The following LRRC53 variants were observed in gnomAD, a reference collection of about 807,000 sequenced individuals.
LRRC53 encodes leucine rich repeat containing 53, also known as leucine-rich repeat-containing protein 53.
In LRRC53, 25 loss-of-function variants were observed where a neutral mutation model predicts 13.6. The ratio of observed to expected loss-of-function variants is 1.83; its 90% CI spans 1.34 to 2.56. The LOEUF (loss-of-function observed/expected upper bound fraction) is 2.56. Among genes scored for constraint, LRRC53 ranks in the 30% most tolerant of loss-of-function variants. LRRC53 has a pLI of 0.00. For synonymous variants in LRRC53, 204 were observed against 109.8 expected, an observed-to-expected ratio of 1.86 and a Z score of -5.37; for missense variants, 527 against 275.8, an observed-to-expected ratio of 1.91 and a Z score of -6.45.
At chr1:74,535,131 C>T in the LRRC53 span, among the ~76,000 whole-genome samples, 2 of 152,118 alleles carry the variant, frequency 1.3e-5, no homozygotes, top group Non-Finnish European at 2.9e-5. Context: ...TTCACTCTGC[C>T]TTTCCAACAT....
chr1:74,504,639 A>T (rs1669798249), intron 1 of LRRC53, among the ~76,000 whole-genome samples: 1 of 149,576 alleles, frequency 6.7e-6, no homozygotes, highest in South Asian at 2.1e-4. Context: ...TGACACCTTT[A>T]AAAAAAATTT....
chr1:74,515,526 G>C, upstream of LRRC53, among the ~76,000 whole-genome samples: 1 of 152,172 alleles, frequency 6.6e-6, no homozygotes, highest in Non-Finnish European at 1.5e-5. Context: ...GATGGTTGCT[G>C]TTGGCAACCA....
intron 1 of LRRC53, among the ~76,000 whole-genome samples, chr1:74,490,652 G>A (rs1557602610): frequency 6.6e-6 from 1 of 152,178 alleles, no homozygotes; most frequent in Non-Finnish European, 1.5e-5. Flanking sequence ...AAAGAGGCTT[G>A]ACTTGCGCAG....
chr1:74,521,970 T>C, the LRRC53 span, among the ~76,000 whole-genome samples: 2 of 152,162 alleles, frequency 1.3e-5, no homozygotes, highest in African/African-American at 4.8e-5. Flanking sequence ...TCTAAACAGG[T>C]AACTGAGATC....
chr1:74,492,079 T>C (rs1255182041), intron 1 of LRRC53: 3 of 1,492,590 alleles, frequency 2.0e-6, no homozygotes, highest in Non-Finnish European at 2.7e-6. Context: ...CAATTGAAAT[T>C]GCCCCTCCTC....
At chr1:74,518,874 C>CT in the LRRC53 span, among the ~76,000 whole-genome samples, 4 of 29,054 alleles carry the variant, frequency 1.4e-4, no homozygotes, top group African/African-American at 3.3e-4. Context: ...TTTTTTTCCC[C>CT]TTTTTTTTTT....
the LRRC53 span, among the ~76,000 whole-genome samples, chr1:74,521,598 C>T: frequency 6.6e-6 from 1 of 152,094 alleles, no homozygotes; most frequent in South Asian, 2.1e-4. Flanking sequence ...TTTCTGCGTT[C>T]CTTTATTTAG....
chr1:74,524,156 ATTC>A, the LRRC53 span, among the ~76,000 whole-genome samples: 26 of 152,368 alleles, frequency 1.7e-4, no homozygotes, highest in Admixed American at 1.5e-3. Context: ...GCTCCAGTGA[ATTC>A]TTCTTTGTGA....
chr1:74,514,962 G>A (rs1039635310), upstream of LRRC53, among the ~76,000 whole-genome samples: 10 of 152,036 alleles, frequency 6.6e-5, no homozygotes, highest in Non-Finnish European at 8.8e-5. Flanking sequence ...ACAAAGACAC[G>A]CAGAAGAATG....
chr1:74,511,292 A>T (rs1193495184), intron 1 of LRRC53, among the ~76,000 whole-genome samples: 2 of 151,836 alleles, frequency 1.3e-5, no homozygotes, highest in Non-Finnish European at 2.9e-5. Context: ...TCCCGGGTTC[A>T]AGCAATTCTC....
chr1:74,522,766 TGG>T, the LRRC53 span, among the ~76,000 whole-genome samples: 1 of 152,198 alleles, frequency 6.6e-6, no homozygotes, highest in African/African-American at 2.4e-5. Context: ...GGATTAAAAC[TGG>T]TGTATTTCTT....
chr1:74,533,848 T>C, the LRRC53 span, among the ~76,000 whole-genome samples: 1 of 152,106 alleles, frequency 6.6e-6, no homozygotes, highest in Non-Finnish European at 1.5e-5. Context: ...CACTCATAGG[T>C]GGGAATTGAA....
intron 4 of LRRC53, among the ~76,000 whole-genome samples, chr1:74,474,773 T>A (rs1401688938): frequency 6.6e-6 from 1 of 152,080 alleles, no homozygotes; most frequent in Non-Finnish European, 1.5e-5. Context: ...AGTCCTGACT[T>A]TCCCTGGACT....
chr1:74,480,391 G>C lies in LRRC53; in HGVS notation c.666C>G (p.Leu222=), dbSNP rs1447110395. The C allele has an allele frequency of 4.2e-6, 3 of 717,468 alleles. No individual in the cohort carries two copies. The South Asian group carries it at 4.4e-5, about 11-fold the overall frequency. 44.4% of individuals were successfully genotyped at this position (717,468 alleles called of 1,614,324 possible). ...TTCTTAAAAACCGAGCAAGGGGATGGAGATCACAAGTGCAGCTCCACTGGT... is the reference window on the plus strand; with the variant it reads ...TTCTTAAAAACCGAGCAAGGGGATGCAGATCACAAGTGCAGCTCCACTGGT... ...DKNQWSCTCD[L]HPLARFLRNY... Residue 222 remains leucine (L), a synonymous_variant, in exon 3 of 5, where the codon CTC becomes CTG. Transcript: ENST00000294635.
rs571497996 is a variant in LRRC53 at position 74,483,766 on chromosome 1, G to A, written c.-26-391C>T. Among the ~76,000 whole-genome samples, 29 of 152,204 alleles carry A rather than the reference G, an allele frequency of 1.9e-4. No homozygotes were observed. In the South Asian group the frequency reaches 4.4e-3, roughly 23 times the overall value. On this transcript the variant is annotated intron_variant, in intron 1 of 4. Coordinates refer to ENST00000294635, the MANE Select transcript of LRRC53 (RefSeq NM_001382280.1). ...AGCAAACCATCCTAAATCACATAGC[G>A]GGTAGGTATTTAACCAAGTCTTTTA...
intron 1 of LRRC53, 103 bp downstream of exon 1, chr1:74,512,423 A>AT (rs1477374009): frequency 6.6e-6 from 1 of 152,204 alleles, no homozygotes; most frequent in Non-Finnish European, 1.5e-5. Flanking sequence ...CCACATGATC[A>AT]TCTGTTTATA....
At chr1:74,530,776 A>G in the LRRC53 span, among the ~76,000 whole-genome samples, 1 of 149,476 alleles carries the variant, frequency 6.7e-6, no homozygotes, top group Non-Finnish European at 1.5e-5. Flanking sequence ...GATATGAAAG[A>G]TTTTGCTATA....
At chr1:74,520,580 T>C in the LRRC53 span, among the ~76,000 whole-genome samples, 8 of 152,108 alleles carry the variant, frequency 5.3e-5, no homozygotes, top group South Asian at 4.1e-4. Flanking sequence ...TCCAAAATTT[T>C]TGGCAAAACA....
At chr1:74,473,719 C>T (rs1260887548) in intron 4 of LRRC53, among the ~76,000 whole-genome samples, 1 of 151,954 alleles carries the variant, frequency 6.6e-6, no homozygotes, top group East Asian at 1.9e-4. Flanking sequence ...TCTGGGTGAC[C>T]TTGGAGAAGC....
Sources: gnomAD v4.1 joint callset for allele counts (sites outside exome capture counted in the v4.1 genomes callset) on GRCh38, gnomAD v4.1.1 for gene constraint, MANE v1.5 for transcripts, NCBI Gene and HGNC (gene_info 2026-07-23, HGNC 2026-07-21) for gene names.